YKT6: variants seen among roughly 807,000 people sequenced by gnomAD.
YKT6 encodes the protein YKT6 vesicular SNARE protein.
In YKT6, 12 loss-of-function variants were observed where a neutral mutation model predicts 29.3. The observed-to-expected ratio is 0.41, with a 90% CI of 0.26 to 0.66. The LOEUF (loss-of-function observed/expected upper bound fraction) is 0.66. YKT6 is among the 30% of genes least tolerant of loss of function. YKT6 has a pLI of 0.32. For synonymous variants in YKT6, 86 were observed against 94.3 expected (o/e 0.91, Z 0.51); for missense variants, 188 against 243.8 (o/e 0.77, Z 1.52).
chr7:44,202,999 T>C (rs1239528332), intron 1 of YKT6, among the ~76,000 whole-genome samples: 2 of 152,178 alleles, frequency 1.3e-5, no homozygotes, highest in Admixed American at 6.5e-5. Flanking sequence ...CTGCTTGGGA[T>C]GCCCACACTA....
chr7:44,207,720 T>G (rs974464004), intron 4 of YKT6, among the ~76,000 whole-genome samples: 9 of 143,830 alleles, frequency 6.3e-5, no homozygotes, highest in African/African-American at 1.5e-4. Flanking sequence ...AGGCTGTGGG[T>G]TTTTTTTTTT....
chr7:44,206,743 C>T lies in YKT6; in HGVS notation c.288+258C>T, dbSNP rs574772434. Reference sequence around the variant, plus strand: ...CATCTATTCTCTGGGATGGGACCCTCGGAGACAGCTGTGCCTTGTGTTCTC... The same window carrying T: ...CATCTATTCTCTGGGATGGGACCCTTGGAGACAGCTGTGCCTTGTGTTCTC... On this transcript the variant is annotated intron_variant, in intron 3 of 6. Coordinates refer to ENST00000223369, the MANE Select transcript of YKT6 (RefSeq NM_006555.4). Among the ~76,000 whole-genome samples the T allele has an allele frequency of 4.6e-5, 7 of 152,242 alleles. No individual in the cohort carries two copies. In the East Asian group the frequency reaches 5.8e-4, roughly 13 times the overall value.
At chr7:44,204,725 C>A in intron 2 of YKT6, 75 bp downstream of exon 2, 1 of 1,405,220 alleles carries the variant, frequency 7.1e-7, no homozygotes, top group East Asian at 2.3e-5. Flanking sequence ...ACCCAGCTTT[C>A]TCCTTTCTAC....
intron 2 of YKT6, 46 bp from the exon 3 acceptor site, chr7:44,206,339 A>C: frequency 6.3e-7 from 1 of 1,587,064 alleles, no homozygotes; most frequent in Non-Finnish European, 8.7e-7. Flanking sequence ...AAGAAGTCTG[A>C]AGCCCTCATG....
intron 1 of YKT6, among the ~76,000 whole-genome samples, chr7:44,202,072 AAAG>A (rs889325789): frequency 2.0e-4 from 30 of 152,330 alleles, no homozygotes; most frequent in African/African-American, 7.2e-4. Context: ...CTCAGGCACG[AAAG>A]AAGGAGGACC....
At chr7:44,208,412 C>G (rs545064854) in intron 5 of YKT6, 6 of 520,482 alleles carry the variant, frequency 1.2e-5, no homozygotes, top group Non-Finnish European at 2.1e-5. Flanking sequence ...TCTAGGGGAC[C>G]AAGCTGGGAA....
At chr7:44,210,827 C>G (rs555715178) in intron 5 of YKT6, 196 bp from the exon 6 acceptor site, 3 of 645,160 alleles carry the variant, frequency 4.7e-6, no homozygotes, top group South Asian at 1.5e-5. Context: ...CTAGATTTCA[C>G]GGGAATGTCA....
Position 44,204,677 on chromosome 7 carries a change from G to A in YKT6, c.187+27G>A, listed in dbSNP as rs376967700. 186 of 1,611,644 alleles carry A rather than the reference G, an allele frequency of 1.2e-4. 1 individual carries two copies. Among genetic ancestry groups the A allele is most frequent in the South Asian group, 7.7e-4 (70 of 90,978 alleles). ...TAAGAAGACCCTCCAACTTCTGTGC[G>A]TGTGCTGGCCTGGCTGCCATGCCTC... On this transcript the variant is annotated intron_variant, in intron 2 of 6. Transcript: ENST00000223369.
intron 6 of YKT6, among the ~76,000 whole-genome samples, chr7:44,211,335 C>T (rs1175811211): frequency 2.0e-5 from 3 of 152,200 alleles, no homozygotes; most frequent in East Asian, 1.9e-4. Flanking sequence ...CGATGCGGGC[C>T]GAGGCCTTGT....
At chr7:44,205,868 A>T (rs1392965208) in intron 2 of YKT6, among the ~76,000 whole-genome samples, 1 of 152,182 alleles carries the variant, frequency 6.6e-6, no homozygotes, top group Non-Finnish European at 1.5e-5. Context: ...CACCCACCAG[A>T]GTGGAGCAAA....
At chr7:44,211,001 T>G in intron 5 of YKT6, 22 bp from the exon 6 acceptor site, 1 of 1,609,916 alleles carries the variant, frequency 6.2e-7, no homozygotes, top group Non-Finnish European at 8.5e-7. Flanking sequence ...CAGAGCTGGA[T>G]TCTCTTTTCT....
rs867355351 is a variant in YKT6 at position 44,203,586 on chromosome 7, G to T, written c.105-982G>T. 9.2e-5 allele frequency among the ~76,000 whole-genome samples: 14 copies of T among 152,160 alleles called. No individual in the cohort carries two copies. The South Asian group carries it at 1.0e-3, about 11-fold the overall frequency. ...CTAGGTTTACTGCAAAGCCTTCCTT[G>T]TTTGAGGTCTTCTTTTCTGAGGGGT... On this transcript the variant is annotated intron_variant, in intron 1 of 6. Transcript: ENST00000223369.
At chr7:44,207,037 CTCT>C (rs1349617769) in intron 3 of YKT6, among the ~76,000 whole-genome samples, 1 of 152,198 alleles carries the variant, frequency 6.6e-6, no homozygotes, top group African/African-American at 2.4e-5. Flanking sequence ...GGACCTAATT[CTCT>C]TTTTTAAAAA....
In YKT6 at chr7:44,212,406, T is replaced by C. The variant is rs2096347833; in HGVS notation, c.*124T>C. 1.6e-6 allele frequency: 2 copies of C among 1,263,292 alleles called. No individual in the cohort carries two copies. The highest frequency in any genetic ancestry group is 1.5e-5 in the African/African-American group (1 of 67,382). 78.3% of individuals were successfully genotyped at this position (1,263,292 alleles called of 1,614,324 possible). On this transcript the variant is annotated 3_prime_UTR_variant, in exon 7 of 7. Transcript: ENST00000223369. Reference sequence around the variant, plus strand: ...GTGGGGGCAGACTGGCCATTTTTATTTTGAAGTTCCTGCGAGAAATGGATG... The same window carrying C: ...GTGGGGGCAGACTGGCCATTTTTATCTTGAAGTTCCTGCGAGAAATGGATG...
intron 2 of YKT6, 95 bp downstream of exon 2, chr7:44,204,745 ACTC>A (rs1352427236): frequency 3.6e-5 from 40 of 1,118,836 alleles, no homozygotes; most frequent in Non-Finnish European, 4.7e-5. Flanking sequence ...CTGGGACCCT[ACTC>A]CTCCTCTAGC....
chr7:44,202,937 C>T (rs914132711), intron 1 of YKT6, among the ~76,000 whole-genome samples: 1 of 152,020 alleles, frequency 6.6e-6, no homozygotes, highest in African/African-American at 2.4e-5. Flanking sequence ...TTTTTCCTTC[C>T]CATTAGTACT....
intron 4 of YKT6, among the ~76,000 whole-genome samples, chr7:44,207,884 C>G (rs188854298): frequency 0.01 from 1,575 of 152,254 alleles, 9 homozygotes; most frequent in Non-Finnish European, 0.018. Context: ...TGCCACCACG[C>G]CTGGCTAATT....
At chr7:44,202,761 C>T (rs891929364) in intron 1 of YKT6, among the ~76,000 whole-genome samples, 12 of 152,240 alleles carry the variant, frequency 7.9e-5, no homozygotes, top group African/African-American at 2.9e-4. Flanking sequence ...ACCCTGCTCG[C>T]ATTTTTTTGG....
chr7:44,211,147 C>A lies in YKT6; in HGVS notation c.561+23C>A. On this transcript the variant is annotated intron_variant, in intron 6 of 6. Transcript: ENST00000223369. ...ACTGTGAGTACCCAGCACCTGCTGCCTCCTGGGTGTTCTCTCTAGAGAGCA... is the reference window on the plus strand; with the variant it reads ...ACTGTGAGTACCCAGCACCTGCTGCATCCTGGGTGTTCTCTCTAGAGAGCA... The A allele has an allele frequency of 1.9e-6, 3 of 1,602,600 alleles. No individual in the cohort carries two copies. In the South Asian group the frequency reaches 3.3e-5, roughly 18 times the overall value.
Sources: allele counts gnomAD v4.1 joint callset (sites outside exome capture counted in the v4.1 genomes callset), GRCh38; gene constraint gnomAD v4.1.1; transcripts MANE v1.5; gene names NCBI Gene and HGNC (gene_info 2026-07-23, HGNC 2026-07-21).